Variants in HAPSTR1 observed in about 807,000 individuals in gnomAD.
HAPSTR1 encodes the protein HUWE1 associated protein modifying stress responses, also known as HUWE1-associated protein modifying stress responses 1.
At chr16:9,115,295 G>A in the HAPSTR1 span, among the ~76,000 whole-genome samples, 1 of 152,186 alleles carries the variant, frequency 6.6e-6, no homozygotes, top group Admixed American at 6.5e-5. Context: ...GAAAGAATGG[G>A]CCCCTGTCAA....
the HAPSTR1 span, chr16:9,111,278 T>G: frequency 6.6e-6 from 1 of 152,250 alleles, no homozygotes; most frequent in African/African-American, 2.4e-5. Flanking sequence ...GGTAGCTGTT[T>G]AAAAGTAAAA....
the HAPSTR1 span, among the ~76,000 whole-genome samples, chr16:9,099,683 C>G: frequency 6.6e-6 from 1 of 152,164 alleles, no homozygotes; most frequent in Non-Finnish European, 1.5e-5. Context: ...GGATAGGTAC[C>G]CGAAAGTCCA....
chr16:9,107,458 G>C, the HAPSTR1 span: 1 of 152,272 alleles, frequency 6.6e-6, no homozygotes, highest in Non-Finnish European at 1.5e-5. Context: ...GTGAGCCTGG[G>C]CTCTTGGCCT....
the HAPSTR1 span, chr16:9,108,055 C>G: frequency 6.6e-6 from 1 of 152,190 alleles, no homozygotes; most frequent in South Asian, 2.1e-4. Flanking sequence ...ACCTGTTTGC[C>G]TAGGGTGCTA....
chr16:9,091,656 G>C, the HAPSTR1 span: 2 of 398,392 alleles, frequency 5.0e-6, no homozygotes, highest in Non-Finnish European at 8.9e-6. Context: ...TCAGTCTTGG[G>C]GTGGGCTCCG....
chr16:9,120,891 T>A, the HAPSTR1 span: 1 of 152,136 alleles, frequency 6.6e-6, no homozygotes, highest in African/African-American at 2.4e-5. Context: ...GGTGAAATCT[T>A]GTGACAGAAT....
chr16:9,116,950 G>A, the HAPSTR1 span: 23 of 1,608,468 alleles, frequency 1.4e-5, no homozygotes, highest in African/African-American at 2.8e-4. Flanking sequence ...CTGCTTGAAA[G>A]CCACTTGATC....
the HAPSTR1 span, among the ~76,000 whole-genome samples, chr16:9,097,121 G>T: frequency 6.6e-6 from 1 of 152,150 alleles, no homozygotes; most frequent in South Asian, 2.1e-4. Flanking sequence ...TGTATGTTTA[G>T]TAGAGACGGG....
chr16:9,101,206 C>T, the HAPSTR1 span, among the ~76,000 whole-genome samples: 3 of 152,134 alleles, frequency 2.0e-5, no homozygotes, highest in African/African-American at 4.8e-5. Flanking sequence ...GTTTGTCCAC[C>T]CCTTTAGGGT....
At chr16:9,117,854 C>A in the HAPSTR1 span, 4 of 152,598 alleles carry the variant, frequency 2.6e-5, no homozygotes, top group Admixed American at 6.5e-5. Context: ...CTGCTTAGTG[C>A]AGTTTCCATT....
chr16:9,117,172 T>G, the HAPSTR1 span: 3 of 458,268 alleles, frequency 6.5e-6, no homozygotes, highest in South Asian at 8.7e-5. Flanking sequence ...TAGGCAAACA[T>G]ATATCCGTTC....
chr16:9,093,995 A>G, the HAPSTR1 span, among the ~76,000 whole-genome samples: 5 of 152,246 alleles, frequency 3.3e-5, no homozygotes, highest in South Asian at 2.1e-4. Context: ...TATTTTTGCC[A>G]TATATATTTA....
At chr16:9,108,330 A>G in the HAPSTR1 span, 2 of 152,102 alleles carry the variant, frequency 1.3e-5, no homozygotes, top group African/African-American at 4.8e-5. Context: ...AAAAATTTCT[A>G]ATTTTCAATA....
chr16:9,096,156 CTTAA>C, the HAPSTR1 span, among the ~76,000 whole-genome samples: 1 of 152,134 alleles, frequency 6.6e-6, no homozygotes, highest in Non-Finnish European at 1.5e-5. Context: ...TGCTCCTTGA[CTTAA>C]TTAACTTAAA....
chr16:9,100,675 A>C, the HAPSTR1 span, among the ~76,000 whole-genome samples: 39 of 152,230 alleles, frequency 2.6e-4, no homozygotes, highest in African/African-American at 7.2e-4. Flanking sequence ...CTGGGATTAC[A>C]GGTGCCTACC....
chr16:9,093,634 T>A, the HAPSTR1 span, among the ~76,000 whole-genome samples: 2 of 152,212 alleles, frequency 1.3e-5, no homozygotes, highest in African/African-American at 4.8e-5. Flanking sequence ...ATCCTATATT[T>A]GATTATAAGT....
chr16:9,092,000 A>G, the HAPSTR1 span: 1 of 1,442,582 alleles, frequency 6.9e-7, no homozygotes, highest in Non-Finnish European at 9.2e-7. Flanking sequence ...CCGCCTGAGG[A>G]GGACGCGGCG....
chr16:9,097,144 T>G, the HAPSTR1 span, among the ~76,000 whole-genome samples: 1 of 152,132 alleles, frequency 6.6e-6, no homozygotes, highest in Non-Finnish European at 1.5e-5. Flanking sequence ...TTCACCATGT[T>G]GGCCAGGCTG....
chr16:9,102,634 C>T, the HAPSTR1 span, among the ~76,000 whole-genome samples: 38 of 152,246 alleles, frequency 2.5e-4, no homozygotes, highest in South Asian at 6.2e-4. Context: ...TGCAGATGAG[C>T]GTGGCCTGAG....
Sources: gnomAD v4.1 joint callset for allele counts (sites outside exome capture counted in the v4.1 genomes callset) on GRCh38, gnomAD v4.1.1 for gene constraint, MANE v1.5 for transcripts, NCBI Gene and HGNC (gene_info 2026-07-23, HGNC 2026-07-21) for gene names.